Variants in GRIK1 observed in about 807,000 individuals in gnomAD.
The protein encoded by GRIK1 is glutamate ionotropic receptor kainate type subunit 1.
A neutral mutation model predicts 105.7 loss-of-function variants in GRIK1; 69 were observed. The ratio of observed to expected loss-of-function variants is 0.65; its 90% CI spans 0.54 to 0.80. The LOEUF (loss-of-function observed/expected upper bound fraction) is 0.80, where lower values mean the gene tolerates loss of function less well. Ranked by LOEUF, GRIK1 falls within the 30% of genes least tolerant of loss-of-function variation. The pLI, the probability that GRIK1 is intolerant of heterozygous loss-of-function variation, is 0.00. For missense variants in GRIK1, 1,109 were observed against 1,167.3 expected, an observed-to-expected ratio of 0.95 and a Z score of 0.73; for synonymous variants, 438 against 431.3, an observed-to-expected ratio of 1.02 and a Z score of -0.19.
chr21:29,770,018 A>T (rs1341649703), intron 1 of GRIK1, among the ~76,000 whole-genome samples: 4 of 152,212 alleles, frequency 2.6e-5, no homozygotes, highest in African/African-American at 9.6e-5. Flanking sequence ...TTCACCCTAC[A>T]TATCTTTCAA....
chr21:29,783,125 T>G, intron 1 of GRIK1, among the ~76,000 whole-genome samples: 1 of 152,348 alleles, frequency 6.6e-6, no homozygotes, highest in Middle Eastern at 3.4e-3. Flanking sequence ...ATATTAGATT[T>G]TTTATTTTTA....
chr21:29,631,908 G>A (rs1407033834), intron 7 of GRIK1, among the ~76,000 whole-genome samples: 1 of 151,862 alleles, frequency 6.6e-6, no homozygotes, highest in Non-Finnish European at 1.5e-5. Flanking sequence ...GCAAATCTTG[G>A]ATTTGTGCAT....
chr21:29,691,458 G>T lies in GRIK1; in HGVS notation c.287-1473C>A, dbSNP rs1196996941. On this transcript the variant is annotated intron_variant, in intron 2 of 17. Transcript: ENST00000327783. ...CTAAGAGTAGATTTCCAGAAGTTAA[G>T]TTACCAGTTATAATTAAGGGGTATA... Among the ~76,000 whole-genome samples the T allele has an allele frequency of 4.6e-5, 7 of 152,254 alleles. No individual in the cohort carries two copies. The East Asian group carries it at 1.3e-3, about 29-fold the overall frequency.
In GRIK1 at chr21:29,939,700, C is replaced by G. The variant is rs981379230; in HGVS notation, c.-200G>C. The G allele has an allele frequency of 2.0e-6, 1 of 494,368 alleles. No homozygotes were observed. The highest frequency in any genetic ancestry group is 2.0e-5 in the African/African-American group (1 of 49,046). The allele number at this position is 494,368 out of a possible 1,614,324, so 30.6% of individuals were successfully genotyped here. The stretch of plus-strand genomic sequence containing the variant: ...GGCAAGGCTGAGCTCTCTCGGGGCT[C>G]CTCAGTGCTGTCGCTAGCCCATCAC... On this transcript the variant is annotated 5_prime_UTR_variant, in exon 1 of 18. Coordinates refer to ENST00000327783, the MANE Select transcript of GRIK1 (RefSeq NM_001330994.2).
intron 1 of GRIK1, among the ~76,000 whole-genome samples, chr21:29,707,153 C>A (rs371632271): frequency 6.6e-6 from 1 of 152,172 alleles, no homozygotes; most frequent in Non-Finnish European, 1.5e-5. Flanking sequence ...CGTGAGCCAC[C>A]GCGCCCGGGC....
intron 1 of GRIK1, among the ~76,000 whole-genome samples, chr21:29,750,820 T>C (rs2065177482): frequency 6.6e-6 from 1 of 152,194 alleles, no homozygotes; most frequent in Admixed American, 6.5e-5. Flanking sequence ...TCTAATAAGA[T>C]AGGTTTGATA....
Position 29,544,203 on chromosome 21 carries a change from C to T in GRIK1, c.2608-6319G>A, listed in dbSNP as rs12482829. On this transcript the variant is annotated intron_variant, in intron 16 of 17. Transcript: ENST00000327783. ...ACACAAGTGTCTTCCTCCTGTTGTT[C>T]ATCTTTATTTAAAGATTTCATTTAG... Among the ~76,000 whole-genome samples the T allele has an allele frequency of 7.4e-3, 1,129 of 152,258 alleles. 13 individuals are homozygous for T. Among genetic ancestry groups the T allele is most frequent in the Middle Eastern group, 0.014 (4 of 294 alleles).
At chr21:29,730,095 T>C (rs962172059) in intron 1 of GRIK1, among the ~76,000 whole-genome samples, 5 of 152,230 alleles carry the variant, frequency 3.3e-5, no homozygotes, top group Non-Finnish European at 7.3e-5. Context: ...TTCTGAGTTA[T>C]GGCAGTTCGC....
At chr21:29,787,419 A>G (rs1434805706) in intron 1 of GRIK1, among the ~76,000 whole-genome samples, 1 of 152,200 alleles carries the variant, frequency 6.6e-6, no homozygotes, top group African/African-American at 2.4e-5. Flanking sequence ...ACCACCCAAA[A>G]TGGTAAGATT....
intron 1 of GRIK1, among the ~76,000 whole-genome samples, chr21:29,772,164 G>C (rs2065830292): frequency 6.6e-6 from 1 of 152,094 alleles, no homozygotes; most frequent in African/African-American, 2.4e-5. Flanking sequence ...TTTCGAAATG[G>C]AAATGTTTAA....
intron 16 of GRIK1, among the ~76,000 whole-genome samples, chr21:29,544,932 C>A (rs2090027533): frequency 6.6e-6 from 1 of 152,216 alleles, no homozygotes; most frequent in Admixed American, 6.5e-5. Flanking sequence ...AACTCCCATG[C>A]AGCCTGATAG....
chr21:29,681,704 A>T (rs2063380380), intron 3 of GRIK1, among the ~76,000 whole-genome samples: 1 of 152,170 alleles, frequency 6.6e-6, no homozygotes, highest in South Asian at 2.1e-4. Context: ...TGAATGAAAA[A>T]ATGGTTTATT....
chr21:29,798,025 A>G (rs961892376), intron 1 of GRIK1, among the ~76,000 whole-genome samples: 2 of 152,162 alleles, frequency 1.3e-5, no homozygotes, highest in African/African-American at 4.8e-5. Flanking sequence ...ACTCATATGT[A>G]AGTCCCCAGA....
intron 16 of GRIK1, among the ~76,000 whole-genome samples, chr21:29,543,059 G>A (rs1243102898): frequency 6.6e-6 from 1 of 152,136 alleles, no homozygotes; most frequent in Non-Finnish European, 1.5e-5. Context: ...TCAGTAAAAT[G>A]TAGACTATTA....
chr21:29,734,955 G>A (rs2064750966), intron 1 of GRIK1, among the ~76,000 whole-genome samples: 1 of 152,028 alleles, frequency 6.6e-6, no homozygotes, highest in South Asian at 2.1e-4. Context: ...TCCTTAAATT[G>A]CCTGCTCTCC....
At chr21:29,659,078 A>C (rs1176813011) in intron 4 of GRIK1, among the ~76,000 whole-genome samples, 1 of 152,124 alleles carries the variant, frequency 6.6e-6, no homozygotes, top group Non-Finnish European at 1.5e-5. Context: ...TACATTTTTC[A>C]TGTGCTAATG....
At chr21:29,861,824 T>C (rs953868027) in intron 1 of GRIK1, 15 of 268,586 alleles carry the variant, frequency 5.6e-5, no homozygotes, top group African/African-American at 3.4e-4. Flanking sequence ...TTTAATTATG[T>C]TGTATAATTC....
chr21:29,886,133 T>C lies in GRIK1; in HGVS notation c.118+53250A>G, dbSNP rs550440977. On this transcript the variant is annotated intron_variant, in intron 1 of 17. Transcript: ENST00000327783. ...CCAAATGACACAAGAGTCAAATGGATGCTGGATACTTAAAAGAAACAAATC... is the reference window on the plus strand; with the variant it reads ...CCAAATGACACAAGAGTCAAATGGACGCTGGATACTTAAAAGAAACAAATC... Among the ~76,000 whole-genome samples, 5 of 152,252 alleles carry C rather than the reference T, an allele frequency of 3.3e-5. No homozygotes were observed. The East Asian group carries it at 7.7e-4, about 23-fold the overall frequency.
intron 1 of GRIK1, among the ~76,000 whole-genome samples, chr21:29,908,393 T>C (rs2070714884): frequency 6.6e-6 from 1 of 152,188 alleles, no homozygotes; most frequent in Admixed American, 6.6e-5. Flanking sequence ...CTGTGTCATG[T>C]TGGCTGAATC....
Sources: allele counts gnomAD v4.1 joint callset (sites outside exome capture counted in the v4.1 genomes callset), GRCh38; gene constraint gnomAD v4.1.1; transcripts MANE v1.5; gene names NCBI Gene and HGNC (gene_info 2026-07-23, HGNC 2026-07-21).